The following SPAG16 variants were observed in gnomAD, a reference collection of about 807,000 sequenced individuals.
SPAG16 encodes the protein sperm associated antigen 16.
A neutral mutation model predicts 80.4 loss-of-function variants in SPAG16; 86 were observed. The observed-to-expected ratio is 1.07, with a 90% confidence interval of 0.90 to 1.28. The LOEUF (loss-of-function observed/expected upper bound fraction) is 1.28. SPAG16 is among the 50% of genes most tolerant of loss of function. SPAG16 has a pLI of 0.00. For missense variants in SPAG16, 870 were observed against 765.3 expected, an observed-to-expected ratio of 1.14 and a Z score of -1.61; for synonymous variants, 294 against 265.9, an observed-to-expected ratio of 1.11 and a Z score of -1.03.
intron 1 of SPAG16, among the ~76,000 whole-genome samples, chr2:213,293,352 CCT>C (rs1441608547): frequency 1.3e-5 from 2 of 152,200 alleles, no homozygotes; most frequent in African/African-American, 4.8e-5. Context: ...AGCCCCACCT[CCT>C]AATATTCATG....
intron 11 of SPAG16, among the ~76,000 whole-genome samples, chr2:213,929,273 C>A (rs990247178): frequency 7.9e-5 from 12 of 152,080 alleles, no homozygotes; most frequent in African/African-American, 2.9e-4. Context: ...CTCGGCCACC[C>A]AAAGTGCTGG....
chr2:213,580,695 C>T (rs2060269872), intron 10 of SPAG16, among the ~76,000 whole-genome samples: 1 of 152,124 alleles, frequency 6.6e-6, no homozygotes, highest in African/African-American at 2.4e-5. Context: ...GTTGTCTTAA[C>T]TTGTCTCTTA....
At chr2:214,303,576 A>T (rs960217907) in intron 15 of SPAG16, among the ~76,000 whole-genome samples, 1 of 152,142 alleles carries the variant, frequency 6.6e-6, no homozygotes, top group African/African-American at 2.4e-5. Context: ...TTGACCTTAG[A>T]TAGTCTGAAG....
intron 9 of SPAG16, among the ~76,000 whole-genome samples, chr2:213,382,041 A>C (rs1352183251): frequency 1.3e-5 from 2 of 150,936 alleles, no homozygotes; most frequent in Non-Finnish European, 3.0e-5. Context: ...TATGGAAATC[A>C]GGCTAGTTTT....
At chr2:214,042,312 A>G (rs1473050575) in intron 13 of SPAG16, among the ~76,000 whole-genome samples, 2 of 151,928 alleles carry the variant, frequency 1.3e-5, no homozygotes, top group Middle Eastern at 3.4e-3. Flanking sequence ...CTTGACCCGG[A>G]TATATATTAG....
chr2:214,082,033 G>T (rs1482601648), intron 13 of SPAG16, among the ~76,000 whole-genome samples: 1 of 151,978 alleles, frequency 6.6e-6, no homozygotes, highest in African/African-American at 2.4e-5. Context: ...TTTAATTGTC[G>T]GCCTGTGGCT....
At chr2:213,530,423 A>G (rs2076029311) in intron 10 of SPAG16, among the ~76,000 whole-genome samples, 1 of 152,164 alleles carries the variant, frequency 6.6e-6, no homozygotes, top group Admixed American at 6.6e-5. Flanking sequence ...TTCATCATTG[A>G]CTGAAATGTC....
intron 11 of SPAG16, among the ~76,000 whole-genome samples, chr2:213,915,726 C>T (rs1339975258): frequency 3.3e-5 from 5 of 152,168 alleles, no homozygotes; most frequent in Admixed American, 2.0e-4. Context: ...AACTAATTTA[C>T]ACACCCATCA....
At chr2:213,995,458 A>T (rs1323097205) in intron 12 of SPAG16, among the ~76,000 whole-genome samples, 1 of 152,228 alleles carries the variant, frequency 6.6e-6, no homozygotes, top group African/African-American at 2.4e-5. Flanking sequence ...TAAATATGTG[A>T]TGAATACATG....
At chr2:213,390,841 TG>T (rs2067707294) in intron 9 of SPAG16, among the ~76,000 whole-genome samples, 1 of 126,602 alleles carries the variant, frequency 7.9e-6, no homozygotes, top group Non-Finnish European at 1.7e-5. Flanking sequence ...TATATACAAA[TG>T]GCTTTTCAAA....
rs189598020 is a variant in SPAG16, at chr2:214,166,753, T to C, written c.1720+17487T>C. On this transcript the variant is annotated intron_variant, in intron 15 of 15. Transcript: ENST00000331683. ...GGCATGCTAACCACTACAATGTGCG[T>C]AGGCATTCTCTGAGAAGTGTTTTGC... is the stretch of plus-strand genomic sequence containing the variant. Among the ~76,000 whole-genome samples the C allele has an allele frequency of 3.6e-4, 55 of 152,288 alleles. No homozygotes were observed. In the East Asian group the frequency reaches 8.3e-3, roughly 23 times the overall value.
intron 14 of SPAG16, among the ~76,000 whole-genome samples, chr2:214,113,003 G>A (rs2053754257): frequency 2.6e-5 from 4 of 152,164 alleles, no homozygotes; most frequent in Admixed American, 2.6e-4. Context: ...TGGAGCTCTT[G>A]TAAGGCAGGC....
chr2:213,430,923 T>G (rs2070252851), intron 9 of SPAG16, among the ~76,000 whole-genome samples: 1 of 152,146 alleles, frequency 6.6e-6, no homozygotes, highest in Admixed American at 6.5e-5. Flanking sequence ...TGGATCCTAT[T>G]TTCAAAGTGC....
intron 10 of SPAG16, among the ~76,000 whole-genome samples, chr2:213,532,939 T>C (rs2076121772): frequency 6.6e-6 from 1 of 152,202 alleles, no homozygotes; most frequent in Non-Finnish European, 1.5e-5. Context: ...TTAAATACTT[T>C]ATATAAGAAA....
chr2:213,322,357 CAAA>C (rs55935607), intron 5 of SPAG16, among the ~76,000 whole-genome samples: 2 of 72,348 alleles, frequency 2.8e-5, no homozygotes, highest in Non-Finnish European at 5.6e-5. Flanking sequence ...AAAAAAAAAA[CAAA>C]AAACTCGTTT....
intron 10 of SPAG16, among the ~76,000 whole-genome samples, chr2:213,741,023 G>T (rs1010056562): frequency 2.6e-5 from 4 of 152,138 alleles, no homozygotes; most frequent in African/African-American, 9.7e-5. Context: ...AAAACAGCAG[G>T]TGCTGAGCAT....
chr2:213,668,525 A>G (rs2063697621), intron 10 of SPAG16, among the ~76,000 whole-genome samples: 2 of 152,156 alleles, frequency 1.3e-5, no homozygotes, highest in South Asian at 2.1e-4. Flanking sequence ...TTAGAGTGGT[A>G]TATTTTCATT....
At chr2:213,679,655 T>A (rs1378131295) in intron 10 of SPAG16, among the ~76,000 whole-genome samples, 1 of 152,226 alleles carries the variant, frequency 6.6e-6, no homozygotes, top group Non-Finnish European at 1.5e-5. Context: ...ATGAAAATAT[T>A]TGTAAAGTTA....
intron 10 of SPAG16, among the ~76,000 whole-genome samples, chr2:213,838,956 C>T (rs1201479025): frequency 6.6e-6 from 1 of 152,078 alleles, no homozygotes; most frequent in Non-Finnish European, 1.5e-5. Flanking sequence ...AACCACTGCC[C>T]TCTTATAAAT....
Sources: allele counts gnomAD v4.1 joint callset (sites outside exome capture counted in the v4.1 genomes callset), GRCh38; gene constraint gnomAD v4.1.1; transcripts MANE v1.5; gene names NCBI Gene and HGNC (gene_info 2026-07-23, HGNC 2026-07-21).